Variants in THADA observed in about 807,000 individuals in gnomAD.
THADA encodes the protein tRNA (32-2'-O)-methyltransferase regulator THADA.
Under a neutral mutation model 219.8 loss-of-function variants are expected in THADA, and 213 were observed. The ratio of observed to expected loss-of-function variants is 0.97; its 90% CI spans 0.87 to 1.09. The LOEUF (loss-of-function observed/expected upper bound fraction) is 1.09, where lower values mean the gene tolerates loss of function less well. THADA is among the 50% of genes least tolerant of loss of function. The pLI is 0.00. For synonymous variants in THADA, 1,018 were observed against 828.9 expected, an observed-to-expected ratio of 1.23 and a Z score of -3.92; for missense variants, 2,956 against 2,311.3, an observed-to-expected ratio of 1.28 and a Z score of -5.72.
rs755783167 is a variant in THADA, at chr2:43,232,892, C to T, written c.5297-10G>A. On this transcript the variant is annotated splice_polypyrimidine_tract_variant and intron_variant, in intron 36 of 37. Transcript: ENST00000405975. ...TGGCAGAAGGCAAACTCTGCAAAGACAGGAGAAAGGTGAGCAATGAATATA... is the reference window on the plus strand; with the variant it reads ...TGGCAGAAGGCAAACTCTGCAAAGATAGGAGAAAGGTGAGCAATGAATATA... The T allele has an allele frequency of 3.7e-6, 6 of 1,604,822 alleles. No homozygotes were observed. The highest frequency in any genetic ancestry group is 5.1e-6 in the Non-Finnish European group (6 of 1,176,142).
chr2:43,391,032 G>A (rs1055315654), intron 29 of THADA, among the ~76,000 whole-genome samples: 7 of 151,990 alleles, frequency 4.6e-5, no homozygotes, highest in African/African-American at 7.3e-5. Context: ...ATTTAATCTT[G>A]CATAACTTTA....
chr2:43,343,054 G>T (rs766910331), intron 30 of THADA: 37 of 151,868 alleles, frequency 2.4e-4, no homozygotes, highest in African/African-American at 8.5e-4. Flanking sequence ...TTGAAACAAG[G>T]TCTCACTCTG....
intron 2 of THADA, 45 bp downstream of exon 2, chr2:43,592,272 G>C (rs765194848): frequency 1.4e-6 from 2 of 1,427,520 alleles, no homozygotes; most frequent in Admixed American, 2.3e-5. Flanking sequence ...TACTCTGCTT[G>C]CAAACTAGAA....
intron 22 of THADA, among the ~76,000 whole-genome samples, chr2:43,517,898 C>G (rs1282608017): frequency 2.0e-5 from 3 of 152,302 alleles, no homozygotes; most frequent in Admixed American, 6.5e-5. Flanking sequence ...TTATCTTACA[C>G]CATTCTGTTC....
intron 26 of THADA, among the ~76,000 whole-genome samples, chr2:43,444,308 C>G (rs1384200290): frequency 6.6e-6 from 1 of 152,194 alleles, no homozygotes; most frequent in Non-Finnish European, 1.5e-5. Flanking sequence ...TTTACACTCT[C>G]TGTGCCTCTC....
chr2:43,569,938 A>T (rs575867458), intron 14 of THADA, among the ~76,000 whole-genome samples: 2 of 152,054 alleles, frequency 1.3e-5, no homozygotes, highest in Non-Finnish European at 2.9e-5. Context: ...CTTCAAGCTC[A>T]CTCCAATGTG....
chr2:43,415,171 A>G (rs1676780463), intron 28 of THADA, among the ~76,000 whole-genome samples: 1 of 152,258 alleles, frequency 6.6e-6, no homozygotes, highest in Non-Finnish European at 1.5e-5. Flanking sequence ...ACTTTTAAGT[A>G]ATTTATGTTT....
intron 34 of THADA, among the ~76,000 whole-genome samples, chr2:43,287,708 T>A (rs1189308611): frequency 6.6e-6 from 1 of 152,192 alleles, no homozygotes; most frequent in African/African-American, 2.4e-5. Flanking sequence ...CAACTTATTG[T>A]CACCAATAAC....
At chr2:43,470,181 C>G (rs192323922) in intron 26 of THADA, among the ~76,000 whole-genome samples, 6 of 142,502 alleles carry the variant, frequency 4.2e-5, no homozygotes, top group Non-Finnish European at 9.0e-5. Context: ...GCACTTCACT[C>G]TGGGTGACAC....
chr2:43,576,781 C>T (rs923323209), intron 10 of THADA, among the ~76,000 whole-genome samples: 3 of 152,094 alleles, frequency 2.0e-5, no homozygotes, highest in South Asian at 4.1e-4. Flanking sequence ...CAGCCTCCCA[C>T]GTAGCTGAGA....
chr2:43,355,350 AACAGT>A (rs1668759421), intron 29 of THADA, among the ~76,000 whole-genome samples: 1 of 152,186 alleles, frequency 6.6e-6, no homozygotes, highest in Non-Finnish European at 1.5e-5. Context: ...CATTCCCACC[AACAGT>A]GTACAAAGGT....
At chr2:43,464,600 C>T (rs1684019162) in intron 26 of THADA, among the ~76,000 whole-genome samples, 1 of 152,106 alleles carries the variant, frequency 6.6e-6, no homozygotes, top group Non-Finnish European at 1.5e-5. Flanking sequence ...TCGGCAAAGG[C>T]TGTCATCACA....
chr2:43,300,074 A>G (rs1486041732), intron 31 of THADA, among the ~76,000 whole-genome samples: 1 of 151,730 alleles, frequency 6.6e-6, no homozygotes, highest in Non-Finnish European at 1.5e-5. Context: ...GAGTATTTAC[A>G]TGTCATGTAC....
At chr2:43,242,349 A>T (rs1668708915) in intron 36 of THADA, among the ~76,000 whole-genome samples, 1 of 152,220 alleles carries the variant, frequency 6.6e-6, no homozygotes, top group Non-Finnish European at 1.5e-5. Context: ...AGATAGAATT[A>T]TTGTTGCCAT....
chr2:43,437,037 A>C, intron 26 of THADA, among the ~76,000 whole-genome samples: 1 of 152,230 alleles, frequency 6.6e-6, no homozygotes, highest in Non-Finnish European at 1.5e-5. Flanking sequence ...GAAGCTTCCC[A>C]GAGATATAAG....
intron 29 of THADA, among the ~76,000 whole-genome samples, chr2:43,364,957 CTT>C (rs111298149): frequency 1.1e-4 from 15 of 135,864 alleles, no homozygotes; most frequent in Admixed American, 7.4e-5. Context: ...TTAATCTCAT[CTT>C]TTTTTTTTTT....
At chr2:43,503,183 C>T (rs1299705063) in intron 24 of THADA, among the ~76,000 whole-genome samples, 3 of 152,180 alleles carry the variant, frequency 2.0e-5, no homozygotes, top group Non-Finnish European at 4.4e-5. Flanking sequence ...TATGTGTGTA[C>T]CCTACAACCC....
chr2:43,587,561 A>C (rs1340629259), intron 4 of THADA, among the ~76,000 whole-genome samples: 1 of 152,110 alleles, frequency 6.6e-6, no homozygotes, highest in Non-Finnish European at 1.5e-5. Context: ...TATACCCAGC[A>C]ATCACTGCCT....
chr2:43,348,608 A>T, intron 29 of THADA, among the ~76,000 whole-genome samples: 1 of 152,104 alleles, frequency 6.6e-6, no homozygotes, highest in African/African-American at 2.4e-5. Flanking sequence ...AGGAGAGGAA[A>T]GGATACATCT....
Sources: allele counts gnomAD v4.1 joint callset (sites outside exome capture counted in the v4.1 genomes callset), GRCh38; gene constraint gnomAD v4.1.1; transcripts MANE v1.5; gene names NCBI Gene and HGNC (gene_info 2026-07-23, HGNC 2026-07-21).